SLC24A3: variants seen among roughly 807,000 people sequenced by gnomAD.
SLC24A3 encodes solute carrier family 24 member 3.
In SLC24A3, 28 loss-of-function variants were observed where a neutral mutation model predicts 75.8. The observed-to-expected ratio is 0.37, with a 90% CI of 0.27 to 0.51. The LOEUF (loss-of-function observed/expected upper bound fraction) is 0.51. Ranked by LOEUF, SLC24A3 falls within the 20% of genes least tolerant of loss-of-function variation. The probability of loss-of-function intolerance (pLI) is 0.94; values close to 1 mark genes in which losing one functional copy is unlikely to be tolerated. For missense variants in SLC24A3, 663 were observed against 847.8 expected, an observed-to-expected ratio of 0.78 and a Z score of 2.71; for synonymous variants, 372 against 334.1, an observed-to-expected ratio of 1.11 and a Z score of -1.24.
intron 2 of SLC24A3, among the ~76,000 whole-genome samples, chr20:19,470,979 G>A (rs1987860746): frequency 6.6e-6 from 1 of 152,224 alleles, no homozygotes; most frequent in South Asian, 2.1e-4. Context: ...GAGGGCCTCA[G>A]AGGGAGACGG....
intron 2 of SLC24A3, among the ~76,000 whole-genome samples, chr20:19,380,649 T>C (rs1447304937): frequency 6.6e-6 from 1 of 152,098 alleles, no homozygotes; most frequent in African/African-American, 2.4e-5. Flanking sequence ...AAAGCACTGG[T>C]CCTGGGGTAT....
chr20:19,339,271 G>A (rs932345650), intron 2 of SLC24A3, among the ~76,000 whole-genome samples: 4 of 152,092 alleles, frequency 2.6e-5, no homozygotes, highest in African/African-American at 9.7e-5. Flanking sequence ...GTGGAGGGCA[G>A]TTATTTTTTA....
At chr20:19,660,992 G>A (rs2032320202) in intron 7 of SLC24A3, among the ~76,000 whole-genome samples, 1 of 152,152 alleles carries the variant, frequency 6.6e-6, no homozygotes, top group Non-Finnish European at 1.5e-5. Flanking sequence ...AAACTAGGAG[G>A]CCGGTTACAC....
chr20:19,490,824 C>T (rs1988199276), intron 2 of SLC24A3, among the ~76,000 whole-genome samples: 1 of 152,118 alleles, frequency 6.6e-6, no homozygotes, highest in Non-Finnish European at 1.5e-5. Flanking sequence ...TTTGCCATCC[C>T]TTGAAGGTTT....
At position 19,567,975 on chromosome 20, in the gene SLC24A3, C is replaced by T. The variant is rs368864568; in HGVS notation, c.349-12025C>T. On this transcript the variant is annotated intron_variant, in intron 3 of 16. Coordinates refer to ENST00000328041, the MANE Select transcript of SLC24A3 (RefSeq NM_020689.4). ...GCTTGATTTCAAAATGGGCGAAGGA[C>T]TTGAATAGACTTTTCTGCAAAAAAA... 4.2e-4 allele frequency among the ~76,000 whole-genome samples: 63 copies of T among 151,530 alleles called. No individual in the cohort carries two copies. In the South Asian group the frequency reaches 0.012, roughly 29 times the overall value.
chr20:19,562,931 C>T (rs1053548482), intron 3 of SLC24A3, among the ~76,000 whole-genome samples: 38 of 152,152 alleles, frequency 2.5e-4, no homozygotes, highest in Non-Finnish European at 4.4e-4. Flanking sequence ...GAAATGGTCC[C>T]AACCTGGGAA....
At chr20:19,703,787 A>T (rs1268670404) in intron 15 of SLC24A3, among the ~76,000 whole-genome samples, 1 of 152,224 alleles carries the variant, frequency 6.6e-6, no homozygotes, top group Non-Finnish European at 1.5e-5. Context: ...ATTTGGCCCA[A>T]CCAAACAATG....
intron 3 of SLC24A3, among the ~76,000 whole-genome samples, chr20:19,573,124 T>C (rs2031079252): frequency 6.6e-6 from 1 of 152,138 alleles, no homozygotes; most frequent in South Asian, 2.1e-4. Flanking sequence ...GATGATGTAG[T>C]AAAAAGAAAT....
chr20:19,479,398 C>T (rs1363273227), intron 2 of SLC24A3, among the ~76,000 whole-genome samples: 1 of 152,220 alleles, frequency 6.6e-6, no homozygotes, highest in South Asian at 2.1e-4. Flanking sequence ...CTGACATCTC[C>T]TTGAAGTGTT....
intron 2 of SLC24A3, among the ~76,000 whole-genome samples, chr20:19,508,917 A>G (rs920664657): frequency 6.6e-6 from 1 of 152,250 alleles, no homozygotes; most frequent in Non-Finnish European, 1.5e-5. Flanking sequence ...GCATTTATGC[A>G]GCTCTCATGG....
chr20:19,595,943 AC>A (rs1247537006), intron 6 of SLC24A3, among the ~76,000 whole-genome samples: 1 of 152,162 alleles, frequency 6.6e-6, no homozygotes, highest in Admixed American at 6.5e-5. Context: ...AAATGTTCAT[AC>A]AGAAGCAAGC....
At chr20:19,305,512 A>G (rs1339893022) in intron 2 of SLC24A3, among the ~76,000 whole-genome samples, 3 of 151,922 alleles carry the variant, frequency 2.0e-5, no homozygotes, top group African/African-American at 4.8e-5. Flanking sequence ...TTGAGTGTTT[A>G]TACTTAGGAT....
At chr20:19,576,296 T>A (rs947824331) in intron 3 of SLC24A3, among the ~76,000 whole-genome samples, 6 of 152,206 alleles carry the variant, frequency 3.9e-5, no homozygotes, top group Non-Finnish European at 8.8e-5. Flanking sequence ...TTTGTGCTAG[T>A]TGTATTAATA....
chr20:19,718,359 T>C (rs1003572195), intron 16 of SLC24A3, among the ~76,000 whole-genome samples: 1 of 152,244 alleles, frequency 6.6e-6, no homozygotes, highest in African/African-American at 2.4e-5. Flanking sequence ...ACATCATTCA[T>C]GCTCTTATGG....
chr20:19,486,039 G>T (rs1431690943), intron 2 of SLC24A3, among the ~76,000 whole-genome samples: 1 of 152,100 alleles, frequency 6.6e-6, no homozygotes, highest in Non-Finnish European at 1.5e-5. Context: ...GGTGTGGGAG[G>T]TAAGTGGGCT....
chr20:19,397,161 A>G (rs1986468569), intron 2 of SLC24A3, among the ~76,000 whole-genome samples: 1 of 152,222 alleles, frequency 6.6e-6, no homozygotes, highest in African/African-American at 2.4e-5. Context: ...AACATATCAT[A>G]CCCACTTTTC....
chr20:19,288,381 A>G (rs1337741628), intron 2 of SLC24A3, among the ~76,000 whole-genome samples: 2 of 152,202 alleles, frequency 1.3e-5, no homozygotes, highest in Admixed American at 1.3e-4. Context: ...TAGCTTTGAC[A>G]TCCCTTTAGG....
At chr20:19,357,866 G>A (rs370607887) in intron 2 of SLC24A3, among the ~76,000 whole-genome samples, 1 of 152,232 alleles carries the variant, frequency 6.6e-6, no homozygotes, top group Non-Finnish European at 1.5e-5. Context: ...GGACTGGGAG[G>A]GGGTGTTGGC....
At chr20:19,346,085 A>ATGGTGTGTGTG in intron 2 of SLC24A3, among the ~76,000 whole-genome samples, 1 of 69,612 alleles carries the variant, frequency 1.4e-5, no homozygotes, top group African/African-American at 1.2e-4. Context: ...ATATATATAT[A>ATGGTGTGTGTG]TATATATATA....
Sources: gnomAD v4.1 joint callset for allele counts (sites outside exome capture counted in the v4.1 genomes callset) on GRCh38, gnomAD v4.1.1 for gene constraint, MANE v1.5 for transcripts, NCBI Gene and HGNC (gene_info 2026-07-23, HGNC 2026-07-21) for gene names.